KIAA1217: variants seen among roughly 807,000 people sequenced by gnomAD.
KIAA1217 encodes the protein KIAA1217.
A neutral mutation model predicts 163.9 loss-of-function variants in KIAA1217; 88 were observed. That is an observed-to-expected ratio of 0.54 (90% CI 0.45 to 0.64). The LOEUF (loss-of-function observed/expected upper bound fraction) is 0.64, where lower values mean the gene tolerates loss of function less well. Among genes scored for constraint, KIAA1217 ranks in the 30% least tolerant of loss-of-function variants. KIAA1217 has a pLI of 0.00. For missense variants in KIAA1217, 2,372 were observed against 2,475.0 expected (o/e 0.96, Z 0.88); for synonymous variants, 903 against 923.1 (o/e 0.98, Z 0.39).
chr10:23,885,906 T>C (rs1383162910), intron 1 of KIAA1217, among the ~76,000 whole-genome samples: 3 of 151,984 alleles, frequency 2.0e-5, no homozygotes, highest in African/African-American at 2.4e-5. Flanking sequence ...TTTCAAATCA[T>C]TGAAACAGGA....
At chr10:23,974,840 C>T (rs975777123) in intron 1 of KIAA1217, among the ~76,000 whole-genome samples, 2 of 151,856 alleles carry the variant, frequency 1.3e-5, no homozygotes, top group Admixed American at 1.3e-4. Context: ...TTTCTCCCTA[C>T]TTTATAATAT....
chr10:23,949,065 G>A (rs140297783), intron 1 of KIAA1217, among the ~76,000 whole-genome samples: 3 of 152,286 alleles, frequency 2.0e-5, no homozygotes, highest in South Asian at 2.1e-4. Context: ...AAAGGAAAGC[G>A]AGAGAGAACT....
At chr10:23,952,290 G>T (rs1844373881) in intron 1 of KIAA1217, among the ~76,000 whole-genome samples, 1 of 152,156 alleles carries the variant, frequency 6.6e-6, no homozygotes, top group Admixed American at 6.5e-5. Context: ...AAGTGTTTCT[G>T]TCCTTTTATT....
intron 5 of KIAA1217, among the ~76,000 whole-genome samples, chr10:24,444,447 T>C (rs908123339): frequency 6.6e-6 from 1 of 152,238 alleles, no homozygotes; most frequent in Non-Finnish European, 1.5e-5. Context: ...CACATTCGCA[T>C]TGTGTTATAA....
intron 1 of KIAA1217, among the ~76,000 whole-genome samples, chr10:23,918,096 T>G (rs1842698294): frequency 6.6e-6 from 1 of 151,200 alleles, no homozygotes; most frequent in Non-Finnish European, 1.5e-5. Flanking sequence ...CACTGCAACC[T>G]CAAAGTCCTG....
At chr10:24,399,817 C>T (rs2056311867) in intron 3 of KIAA1217, among the ~76,000 whole-genome samples, 1 of 152,158 alleles carries the variant, frequency 6.6e-6, no homozygotes, top group Non-Finnish European at 1.5e-5. Context: ...TACCCCTTGT[C>T]ACCACAAACA....
chr10:23,908,545 G>T (rs1442106743), intron 1 of KIAA1217, among the ~76,000 whole-genome samples: 1 of 151,904 alleles, frequency 6.6e-6, no homozygotes, highest in Non-Finnish European at 1.5e-5. Flanking sequence ...ACCCTCTCTG[G>T]GTGACTGCCT....
At chr10:24,303,677 A>G (rs1324989970) in intron 2 of KIAA1217, among the ~76,000 whole-genome samples, 1 of 152,174 alleles carries the variant, frequency 6.6e-6, no homozygotes, top group East Asian at 1.9e-4. Context: ...TGGGTTTTGG[A>G]CAGACTACAT....
intron 2 of KIAA1217, among the ~76,000 whole-genome samples, chr10:24,065,693 C>A (rs893681978): frequency 3.3e-5 from 5 of 151,972 alleles, no homozygotes; most frequent in African/African-American, 4.8e-5. Flanking sequence ...TTCCTGGATA[C>A]CCTTGTTAAC....
chr10:23,935,820 A>T (rs1420692540), intron 1 of KIAA1217, among the ~76,000 whole-genome samples: 1 of 152,220 alleles, frequency 6.6e-6, no homozygotes, highest in Non-Finnish European at 1.5e-5. Context: ...ATGAGTTTCA[A>T]ACATTTTTTA....
At chr10:24,475,025 C>T (rs1013383762) in intron 6 of KIAA1217, among the ~76,000 whole-genome samples, 1 of 152,092 alleles carries the variant, frequency 6.6e-6, no homozygotes, top group Admixed American at 6.6e-5. Context: ...TCTAGACAAG[C>T]CTGGCCAACA....
At chr10:23,814,018 GT>G (rs1185023175) in intron 1 of KIAA1217, among the ~76,000 whole-genome samples, 1 of 152,144 alleles carries the variant, frequency 6.6e-6, no homozygotes, top group Non-Finnish European at 1.5e-5. Context: ...AGCTTTCACA[GT>G]AGTATATCCA....
At chr10:23,699,732 C>G (rs2130698512) in intron 1 of KIAA1217, among the ~76,000 whole-genome samples, 1 of 152,282 alleles carries the variant, frequency 6.6e-6, no homozygotes, top group Non-Finnish European at 1.5e-5. Flanking sequence ...TCAAGTGATC[C>G]TCACACCTTG....
intron 1 of KIAA1217, among the ~76,000 whole-genome samples, chr10:23,820,164 G>C (rs1454958033): frequency 6.6e-6 from 1 of 152,122 alleles, no homozygotes; most frequent in African/African-American, 2.4e-5. Context: ...TGTAGAAAAT[G>C]AGGCAAACAT....
intron 2 of KIAA1217, chr10:24,158,253 C>T (rs988259553): frequency 1.4e-4 from 104 of 722,266 alleles, no homozygotes; most frequent in Non-Finnish European, 2.4e-4. Context: ...CAGCAAATGT[C>T]GGTCAGTCAT....
At chr10:24,064,441 G>A (rs1219993265) in intron 2 of KIAA1217, among the ~76,000 whole-genome samples, 6 of 152,098 alleles carry the variant, frequency 3.9e-5, no homozygotes, top group South Asian at 2.1e-4. Context: ...GCTGGATTAC[G>A]TTTATTGATT....
At chr10:23,858,052 A>G (rs897636654) in intron 1 of KIAA1217, among the ~76,000 whole-genome samples, 7 of 151,972 alleles carry the variant, frequency 4.6e-5, no homozygotes, top group Admixed American at 3.9e-4. Flanking sequence ...GAGGAAGAAC[A>G]AAGTTGTGCT....
chr10:24,089,892 C>G, intron 2 of KIAA1217, among the ~76,000 whole-genome samples: 1 of 151,762 alleles, frequency 6.6e-6, no homozygotes, highest in East Asian at 1.9e-4. Flanking sequence ...GATTCATTGC[C>G]ATCCCTGTCA....
intron 3 of KIAA1217, among the ~76,000 whole-genome samples, chr10:24,418,507 C>T (rs1020875877): frequency 6.6e-6 from 1 of 152,184 alleles, no homozygotes; most frequent in African/African-American, 2.4e-5. Flanking sequence ...ACGCAAATTA[C>T]ATAAAAAATA....
Sources: allele counts gnomAD v4.1 joint callset (sites outside exome capture counted in the v4.1 genomes callset), GRCh38; gene constraint gnomAD v4.1.1; transcripts MANE v1.5; gene names NCBI Gene and HGNC (gene_info 2026-07-23, HGNC 2026-07-21).